GATAD2B: variants seen among roughly 807,000 people sequenced by gnomAD.
The protein encoded by GATAD2B is transcriptional repressor p66-beta.
Under a neutral mutation model 64.3 loss-of-function variants are expected in GATAD2B, and 8 were observed. The ratio of observed to expected loss-of-function variants is 0.12; its 90% CI spans 0.07 to 0.22. The LOEUF is 0.22. GATAD2B is among the 10% of genes least tolerant of loss of function. The probability of loss-of-function intolerance (pLI) is 1.00; values close to 1 mark genes in which losing one functional copy is unlikely to be tolerated. For synonymous variants in GATAD2B, 281 were observed against 271.3 expected (o/e 1.04, Z -0.35); for missense variants, 453 against 752.0 (o/e 0.60, Z 4.65).
chr1:153,884,777 C>T (rs866260055), intron 1 of GATAD2B, among the ~76,000 whole-genome samples: 2 of 151,798 alleles, frequency 1.3e-5, no homozygotes, highest in Non-Finnish European at 2.9e-5. Context: ...TTCTTTTTTT[C>T]GAGACAGTCT....
chr1:153,905,934 G>C (rs1277978216), intron 1 of GATAD2B, among the ~76,000 whole-genome samples: 1 of 151,342 alleles, frequency 6.6e-6, no homozygotes, highest in Non-Finnish European at 1.5e-5. Context: ...GGGTGTGGTG[G>C]CATACATCTG....
chr1:153,908,781 G>GAAAAAAAAA (rs1557832980), intron 1 of GATAD2B, among the ~76,000 whole-genome samples: 1 of 29,180 alleles, frequency 3.4e-5, no homozygotes, highest in African/African-American at 6.1e-5. Flanking sequence ...AAACATACTT[G>GAAAAAAAAA]GAAAAAAAAA....
chr1:153,909,190 G>A (rs1313013535), intron 1 of GATAD2B, among the ~76,000 whole-genome samples: 1 of 151,984 alleles, frequency 6.6e-6, no homozygotes, highest in African/African-American at 2.4e-5. Context: ...GGGCAAGAGA[G>A]CAAAATCTTG....
chr1:153,812,396 G>A (rs997535746), intron 8 of GATAD2B: 7 of 385,094 alleles, frequency 1.8e-5, no homozygotes, highest in Non-Finnish European at 3.2e-5. Flanking sequence ...CTAGTTGGTG[G>A]AATATGGAAA....
intron 1 of GATAD2B, among the ~76,000 whole-genome samples, chr1:153,877,846 C>T (rs1676884125): frequency 6.7e-6 from 1 of 149,850 alleles, no homozygotes; most frequent in African/African-American, 2.5e-5. Flanking sequence ...CCACTGCACT[C>T]CAGCCTGGGC....
At chr1:153,903,514 G>A (rs1018112492) in intron 1 of GATAD2B, among the ~76,000 whole-genome samples, 1 of 152,124 alleles carries the variant, frequency 6.6e-6, no homozygotes, top group South Asian at 2.1e-4. Flanking sequence ...ATACTTTAAA[G>A]TACTTTTGAG....
At chr1:153,837,158 T>C (rs1015229134) in intron 1 of GATAD2B, among the ~76,000 whole-genome samples, 16 of 152,164 alleles carry the variant, frequency 1.1e-4, no homozygotes, top group Middle Eastern at 3.4e-3. Context: ...GGATAAATAT[T>C]GTATGGTTCC....
chr1:153,815,762 C>T (rs922321089), intron 7 of GATAD2B, among the ~76,000 whole-genome samples: 4 of 152,126 alleles, frequency 2.6e-5, no homozygotes, highest in Admixed American at 6.6e-5. Context: ...AGGCTGGCCC[C>T]GGCCGGCTGA....
chr1:153,818,314 C>A (rs895443039), intron 4 of GATAD2B, 143 bp from the exon 5 acceptor site: 18 of 319,930 alleles, frequency 5.6e-5, no homozygotes, highest in Non-Finnish European at 9.2e-5. Context: ...TCAAGGTTTT[C>A]TTTTTTTTTT....
At position 153,874,489 on chromosome 1, in the gene GATAD2B, T is replaced by C. The variant is rs572904590; in HGVS notation, c.-1-46141A>G. Among the ~76,000 whole-genome samples the C allele has an allele frequency of 1.4e-3, 217 of 152,294 alleles. 1 individual carries two copies. The highest frequency in any genetic ancestry group is 2.0e-3 in the Non-Finnish European group (138 of 68,032). On this transcript the variant is annotated intron_variant, in intron 1 of 10. Coordinates refer to ENST00000368655, the MANE Select transcript of GATAD2B (RefSeq NM_020699.4). ...AGACCCTCCCTTCTTCAAAATCCTA[T>C]TCCTAAAAATCTGAAATGATTAATT...
intron 1 of GATAD2B, among the ~76,000 whole-genome samples, chr1:153,860,056 C>T (rs1676229009): frequency 1.3e-5 from 2 of 151,704 alleles, no homozygotes; most frequent in South Asian, 2.1e-4. Flanking sequence ...GCTGGGATTA[C>T]AGGTGTGGCC....
At chr1:153,871,925 G>C (rs1208358947) in intron 1 of GATAD2B, among the ~76,000 whole-genome samples, 1 of 152,154 alleles carries the variant, frequency 6.6e-6, no homozygotes, top group Non-Finnish European at 1.5e-5. Flanking sequence ...ACTCCAGCCT[G>C]GGTGAGAAAG....
chr1:153,825,347 C>G (rs981550342), intron 2 of GATAD2B, among the ~76,000 whole-genome samples: 2 of 152,146 alleles, frequency 1.3e-5, no homozygotes, highest in African/African-American at 4.8e-5. Flanking sequence ...CTATAACTTA[C>G]AAGTATTTTT....
intron 1 of GATAD2B, among the ~76,000 whole-genome samples, chr1:153,893,537 G>A (rs893053740): frequency 2.6e-5 from 4 of 151,788 alleles, no homozygotes; most frequent in Non-Finnish European, 5.9e-5. Context: ...TGAGCTGCAG[G>A]AGGCAGAGGT....
At chr1:153,811,019 C>G (rs1290419048) in intron 10 of GATAD2B, among the ~76,000 whole-genome samples, 2 of 152,162 alleles carry the variant, frequency 1.3e-5, no homozygotes, top group African/African-American at 4.8e-5. Flanking sequence ...CTCGCTTTGG[C>G]CTCCCAAAGT....
At chr1:153,830,077 C>CA (rs1191391694) in intron 1 of GATAD2B, among the ~76,000 whole-genome samples, 2 of 152,118 alleles carry the variant, frequency 1.3e-5, no homozygotes, top group Non-Finnish European at 2.9e-5. Flanking sequence ...GCCTGGGTGA[C>CA]AGAGTGAAAC....
Position 153,807,775 on chromosome 1 carries a change from T to G in GATAD2B, c.*2402A>C, listed in dbSNP as rs1674155281. On this transcript the variant is annotated 3_prime_UTR_variant, in exon 11 of 11. Coordinates refer to ENST00000368655, the MANE Select transcript of GATAD2B (RefSeq NM_020699.4). Reference sequence around the variant, plus strand: ...GGGACAGCCCCCAGCCAGACGGTATTGCACATTCTCTGTTCCTTACTTTTA... The same window carrying G: ...GGGACAGCCCCCAGCCAGACGGTATGGCACATTCTCTGTTCCTTACTTTTA... The G allele has an allele frequency of 6.5e-6, 1 of 152,702 alleles. No individual in the cohort carries two copies. Among genetic ancestry groups the G allele is most frequent in the Admixed American group, 6.5e-5 (1 of 15,274 alleles). 9.5% of individuals were successfully genotyped at this position (152,702 alleles called of 1,614,324 possible).
rs1245820757 is a variant in GATAD2B at position 153,861,594 on chromosome 1, C to T, written c.-1-33246G>A. 3.4e-5 allele frequency among the ~76,000 whole-genome samples: 5 copies of T among 148,814 alleles called. No homozygotes were observed. In the East Asian group the frequency reaches 9.8e-4, roughly 29 times the overall value. On this transcript the variant is annotated intron_variant, in intron 1 of 10. Transcript: ENST00000368655. ...GTTAGGAGTTCGAGACCAGCCTGGC[C>T]AATATGGTGAAACTCCATCTCTACT... is the stretch of plus-strand genomic sequence containing the variant.
chr1:153,840,371 CTT>C (rs1675438443), intron 1 of GATAD2B, among the ~76,000 whole-genome samples: 1 of 146,406 alleles, frequency 6.8e-6, no homozygotes, highest in Middle Eastern at 4.0e-3. Flanking sequence ...GAGTTTTGCT[CTT>C]GTTGCCCAGG....
Sources: gnomAD v4.1 joint callset for allele counts (sites outside exome capture counted in the v4.1 genomes callset) on GRCh38, gnomAD v4.1.1 for gene constraint, MANE v1.5 for transcripts, NCBI Gene and HGNC (gene_info 2026-07-23, HGNC 2026-07-21) for gene names.